Variants in ADGRG4 observed in about 807,000 individuals in gnomAD.
The protein encoded by ADGRG4 is adhesion G protein-coupled receptor G4, also known as G protein-coupled receptor 112.
A neutral mutation model predicts 126.2 loss-of-function variants in ADGRG4; 122 were observed. That is an observed-to-expected ratio of 0.97 (90% CI 0.83 to 1.12). The LOEUF (loss-of-function observed/expected upper bound fraction) is 1.12, where lower values mean the gene tolerates loss of function less well. Among genes scored for constraint, ADGRG4 ranks in the 50% most tolerant of loss-of-function variants. The pLI is 0.00. For missense variants in ADGRG4, 2,481 were observed against 2,251.8 expected (o/e 1.10, Z -2.06); for synonymous variants, 943 against 838.7 (o/e 1.12, Z -2.15).
At chrX:136,343,275 G>A (rs1024791984) in intron 5 of ADGRG4, among the ~76,000 whole-genome samples, 2 of 110,997 alleles carry the variant, frequency 1.8e-5, no homozygotes, top group African/African-American at 6.6e-5. Flanking sequence ...AATACCAGAA[G>A]AGGACCCAGT....
At chrX:136,369,333 A>G (rs1416616722) in intron 13 of ADGRG4, among the ~76,000 whole-genome samples, 9 of 112,445 alleles carry the variant, frequency 8.0e-5, no homozygotes, top group Non-Finnish European at 1.3e-4. Flanking sequence ...ATTAACTGTA[A>G]CAGTATTTCA....
At chrX:136,338,583 C>A (rs2074961541) in intron 5 of ADGRG4, among the ~76,000 whole-genome samples, 1 of 112,140 alleles carries the variant, frequency 8.9e-6, no homozygotes, top group Non-Finnish European at 1.9e-5. Context: ...ATGTTTATTT[C>A]TTTTCTGAGA....
chrX:136,309,241 T>C (rs941887884), intron 4 of ADGRG4, among the ~76,000 whole-genome samples: 3 of 112,460 alleles, frequency 2.7e-5, no homozygotes, highest in Non-Finnish European at 3.8e-5. Context: ...CTCCATTATA[T>C]GTATATGGCA....
chrX:136,372,069 G>C (rs777225731), intron 14 of ADGRG4, among the ~76,000 whole-genome samples: 20 of 111,441 alleles, frequency 1.8e-4, no homozygotes, highest in Non-Finnish European at 3.2e-4. Context: ...AATTCGAATT[G>C]AATCTTAGTG....
chrX:136,353,987 T>C (rs1276819251), intron 8 of ADGRG4, among the ~76,000 whole-genome samples: 1 of 111,692 alleles, frequency 9.0e-6, no homozygotes, highest in East Asian at 2.8e-4. Flanking sequence ...ACTAGTCCTC[T>C]GTAAAGGGAC....
intron 22 of ADGRG4, among the ~76,000 whole-genome samples, chrX:136,404,272 GT>G (rs979511740): frequency 9.4e-6 from 1 of 105,843 alleles, no homozygotes; most frequent in African/African-American, 3.5e-5. Context: ...CCCTTTGCCC[GT>G]TTTGTGACTT....
chrX:136,335,780 T>C (rs961741960), intron 5 of ADGRG4, among the ~76,000 whole-genome samples: 3 of 111,907 alleles, frequency 2.7e-5, no homozygotes, highest in Non-Finnish European at 5.7e-5. Flanking sequence ...AGTCTTGCTA[T>C]AGGTTTATCA....
intron 4 of ADGRG4, among the ~76,000 whole-genome samples, chrX:136,319,464 C>T (rs753249646): frequency 6.3e-5 from 7 of 111,937 alleles, no homozygotes; most frequent in Admixed American, 9.5e-5. Flanking sequence ...TGTGGAAGAA[C>T]GAGGCATGGA....
Position 136,387,858 on chromosome X carries a change from A to G in ADGRG4, c.7895A>G (p.Gln2632Arg). 8.3e-7 allele frequency: 1 copy of G among 1,208,508 alleles called. No individual in the cohort carries two copies. Among genetic ancestry groups the G allele is most frequent in the Non-Finnish European group, 1.1e-6 (1 of 893,316 alleles). The change falls in exon 16 of 26, where the codon CAA becomes CGA. Residue 2632 changes from glutamine (Q) to arginine (R), a missense_variant. Transcript: ENST00000394143. ...ACGATCTTGTTTAATTTCTTTGGCC[A>G]AACTTCACTCTTTAAGGTAAATTCT... The part of the protein sequence containing the change: ...LQTILFNFFG[Q>R]TSLFKTKNVT...
intron 15 of ADGRG4, among the ~76,000 whole-genome samples, chrX:136,380,544 CTCTTCTTCT>C (rs750586223): frequency 3.9e-5 from 4 of 103,453 alleles, no homozygotes; most frequent in East Asian, 2.9e-4. Context: ...CCTCCTCCTC[CTCTTCTTCT>C]TCTTCTTCTT....
At chrX:136,324,361 A>G (rs1252105930) in intron 5 of ADGRG4, among the ~76,000 whole-genome samples, 1 of 111,452 alleles carries the variant, frequency 9.0e-6, no homozygotes, top group Non-Finnish European at 1.9e-5. Context: ...TTTTACATTT[A>G]TTAGTTGGCA....
At chrX:136,390,203 A>G (rs754426326) in intron 16 of ADGRG4, among the ~76,000 whole-genome samples, 1 of 111,023 alleles carries the variant, frequency 9.0e-6, no homozygotes, top group Non-Finnish European at 1.9e-5. Flanking sequence ...GGTGCTCACC[A>G]CTGTGCCTGG....
At chrX:136,355,134 A>T (rs1221955419) in intron 8 of ADGRG4, among the ~76,000 whole-genome samples, 1 of 111,438 alleles carries the variant, frequency 9.0e-6, no homozygotes, top group East Asian at 2.8e-4. Context: ...CCAGCTTCTG[A>T]GGCCTAGCAC....
intron 25 of ADGRG4, among the ~76,000 whole-genome samples, chrX:136,415,069 T>C (rs927952776): frequency 1.8e-5 from 2 of 112,433 alleles, no homozygotes; most frequent in Non-Finnish European, 3.8e-5. Context: ...TGAGTCTGCA[T>C]TGTGTGCTTC....
In ADGRG4 at chrX:136,383,869, T is replaced by C. The variant is rs764572317; in HGVS notation, c.7777-3871T>C. ...TTCTTTCTTTCTTTCTTTCTTTCTT[T>C]CTTTCTTCTTTCTTCCTTTCCTTTC... is the stretch of plus-strand genomic sequence containing the variant. On this transcript the variant is annotated intron_variant, in intron 15 of 25. Coordinates refer to ENST00000394143, the MANE Select transcript of ADGRG4 (RefSeq NM_153834.4). 7.1e-4 allele frequency among the ~76,000 whole-genome samples: 38 copies of C among 53,563 alleles called. 1 individual carries two copies. Among genetic ancestry groups the C allele is most frequent in the Middle Eastern group, 7.8e-3 (1 of 128 alleles). 46.5% of individuals were successfully genotyped at this position (53,563 alleles called of 115,157 possible).
At chrX:136,379,084 A>C (rs888144527) in intron 15 of ADGRG4, among the ~76,000 whole-genome samples, 1 of 111,601 alleles carries the variant, frequency 9.0e-6, no homozygotes, top group African/African-American at 3.3e-5. Context: ...AATGCTTGAT[A>C]GGGTTCACTA....
In ADGRG4 at chrX:136,349,833, C is replaced by G. The variant is rs768075442; in HGVS notation, c.6127C>G (p.Leu2043Val). ...STVEVSKSTF[L>V]TSDMISAHPF... ...AGTAGAGGTGTCAAAATCAACATTT[C>G]TGACATCTGACATGATATCAGCGCA... Residue 2043 changes from leucine (L) to valine (V), a missense_variant, in exon 6 of 26, where the codon CTG (leucine) becomes GTG (valine). Physicochemically the swap from Leu to Val is conservative, Grantham distance 32. Coordinates refer to ENST00000394143, the MANE Select transcript of ADGRG4 (RefSeq NM_153834.4). The G allele has an allele frequency of 6.6e-6, 8 of 1,208,031 alleles. No individual in the cohort carries two copies. In the East Asian group the frequency reaches 2.1e-4, roughly 31 times the overall value.
chrX:136,317,157 A>G lies in ADGRG4; in HGVS notation c.71-5621A>G, dbSNP rs1379977516. Among the ~76,000 whole-genome samples the G allele has an allele frequency of 2.7e-5, 3 of 111,713 alleles. No homozygotes were observed. In the Admixed American group the frequency reaches 2.9e-4, roughly 11 times the overall value. On this transcript the variant is annotated intron_variant, in intron 4 of 25. Coordinates refer to ENST00000394143, the MANE Select transcript of ADGRG4 (RefSeq NM_153834.4). The stretch of plus-strand genomic sequence containing the variant: ...AACTGTAACATTCTTAGAGGAAAGC[A>G]TAAGGGAGAATCTTCACGACCTTTG...
chrX:136,397,624 G>A (rs1450640168), intron 19 of ADGRG4, among the ~76,000 whole-genome samples: 1 of 105,702 alleles, frequency 9.5e-6, no homozygotes, highest in Non-Finnish European at 1.9e-5. Flanking sequence ...ACATGTTAAT[G>A]ATGATGAAGC....
Sources: gnomAD v4.1 joint callset for allele counts (sites outside exome capture counted in the v4.1 genomes callset) on GRCh38, gnomAD v4.1.1 for gene constraint, MANE v1.5 for transcripts, NCBI Gene and HGNC (gene_info 2026-07-23, HGNC 2026-07-21) for gene names.